Variants in NOS2 observed in about 807,000 individuals in gnomAD.
The protein encoded by NOS2 is nitric oxide synthase, inducible.
A neutral mutation model predicts 136.0 loss-of-function variants in NOS2; 96 were observed. The ratio of observed to expected loss-of-function variants is 0.71; its 90% confidence interval spans 0.60 to 0.84. NOS2 has a LOEUF of 0.84. NOS2 is among the 40% of genes least tolerant of loss of function. The pLI is 0.00. For synonymous variants in NOS2, 539 were observed against 587.5 expected, an observed-to-expected ratio of 0.92 and a Z score of 1.20; for missense variants, 1,237 against 1,496.9, an observed-to-expected ratio of 0.83 and a Z score of 2.87.
chr17:27,762,444 A>T (rs1908162769), intron 22 of NOS2, among the ~76,000 whole-genome samples: 1 of 152,220 alleles, frequency 6.6e-6, no homozygotes, highest in Non-Finnish European at 1.5e-5. Context: ...ATCTCATTAA[A>T]TTGTCCCAAG....
intron 11 of NOS2, among the ~76,000 whole-genome samples, chr17:27,774,975 T>C (rs1908615981): frequency 6.6e-6 from 1 of 152,218 alleles, no homozygotes; most frequent in Non-Finnish European, 1.5e-5. Flanking sequence ...CAGTCTGAAA[T>C]TACGGGCTGT....
chr17:27,781,670 T>C (rs1341454290), intron 7 of NOS2, among the ~76,000 whole-genome samples: 1 of 152,208 alleles, frequency 6.6e-6, no homozygotes, highest in Non-Finnish European at 1.5e-5. Flanking sequence ...TTTGACCTCG[T>C]TGGTTGGGAG....
Position 27,789,645 on chromosome 17 carries a change from G to A in NOS2, c.154C>T (p.Gln52Ter). 1 of 1,614,092 alleles carries A rather than the reference G, an allele frequency of 6.2e-7. No homozygotes were observed. The change falls in exon 3 of 27, where the codon CAG becomes TAG. Residue 52 changes from glutamine (Q) to a stop codon, truncating the protein, a stop_gained. Coordinates refer to ENST00000313735, the MANE Select transcript of NOS2 (RefSeq NM_000625.4). LOFTEE classifies it high-confidence loss of function. ...DDLQYHNLSK[Q>*]QNESPQPLVE... ...AGGGGCTGCGGGGACTCATTCTGCT[G>A]CTTGCTGAGGTTGTGATACTGAAGG...
At chr17:27,765,512 T>C in intron 20 of NOS2, 23 bp downstream of exon 20, 3 of 1,565,752 alleles carry the variant, frequency 1.9e-6, no homozygotes, top group Non-Finnish European at 2.6e-6. Context: ...CAGGCAGCAC[T>C]GGCTTTCTAG....
At chr17:27,771,757 C>T (rs1168534542) in intron 14 of NOS2, among the ~76,000 whole-genome samples, 1 of 150,648 alleles carries the variant, frequency 6.6e-6, no homozygotes, top group Non-Finnish European at 1.5e-5. Flanking sequence ...CTTTGCAGGG[C>T]GCTGGGAGGG....
At chr17:27,779,440 T>C (rs1373551937) in intron 9 of NOS2, among the ~76,000 whole-genome samples, 1 of 151,916 alleles carries the variant, frequency 6.6e-6, no homozygotes, top group Non-Finnish European at 1.5e-5. Context: ...CTACCTTGTC[T>C]GGCGCTGGGG....
In NOS2 at chr17:27,788,789, C is replaced by A. The variant is rs765958906; in HGVS notation, c.318+20G>T. On this transcript the variant is annotated intron_variant, in intron 4 of 26. Coordinates refer to ENST00000313735, the MANE Select transcript of NOS2 (RefSeq NM_000625.4). ...ACCAGCTTGGGACAAAGGTGGTTCT[C>A]CCTGAAGCCCCAGACTTACCCCTTT... 2.1e-5 allele frequency: 34 copies of A among 1,604,612 alleles called. No individual in the cohort carries two copies. Among genetic ancestry groups the A allele is most frequent in the Non-Finnish European group, 2.8e-5 (33 of 1,173,194 alleles).
chr17:27,785,957 C>CA (rs1170004221), intron 5 of NOS2, among the ~76,000 whole-genome samples: 3,535 of 39,660 alleles, frequency 0.089, 350 homozygotes, highest in African/African-American at 0.14. Context: ...GACCGAGTCT[C>CA]AAAAAAAAAA....
chr17:27,778,552 G>A, intron 11 of NOS2, 138 bp downstream of exon 11: 1 of 692,134 alleles, frequency 1.4e-6, no homozygotes, highest in Non-Finnish European at 2.6e-6. Flanking sequence ...GAACAGTCTT[G>A]GGAGGTGAGG....
intron 5 of NOS2, among the ~76,000 whole-genome samples, chr17:27,783,588 C>T (rs756501420): frequency 6.6e-6 from 1 of 152,160 alleles, no homozygotes; most frequent in Non-Finnish European, 1.5e-5. Flanking sequence ...CCAGTCCCTC[C>T]GTGGCAGCTC....
chr17:27,785,341 G>C (rs530447984), intron 5 of NOS2, among the ~76,000 whole-genome samples: 2 of 152,146 alleles, frequency 1.3e-5, no homozygotes, highest in East Asian at 1.9e-4. Flanking sequence ...ACCCCGAAAG[G>C]CTCATTAATT....
At position 27,763,013 on chromosome 17, in the gene NOS2, C is replaced by A; in HGVS notation, c.2593-8G>T. 1 of 1,585,394 alleles carries A rather than the reference C, an allele frequency of 6.3e-7. No homozygotes were observed. Among genetic ancestry groups the A allele is most frequent in the Non-Finnish European group, 8.6e-7 (1 of 1,165,570 alleles). On this transcript the variant is annotated splice_region_variant and splice_polypyrimidine_tract_variant and intron_variant, in intron 21 of 26. Transcript: ENST00000313735. ...CTTGCTGTACTCTGAGGGCTAAAAG[C>A]CAAGGGTGATGTCAGTGACTCAGGG... is the stretch of plus-strand genomic sequence containing the variant.
At chr17:27,789,569 G>A (rs1183288395) in intron 3 of NOS2, 35 bp downstream of exon 3, 1 of 1,510,206 alleles carries the variant, frequency 6.6e-7, no homozygotes, top group Non-Finnish European at 9.2e-7. Flanking sequence ...GGACCAGGGA[G>A]GAAGGGGCTT....
At chr17:27,782,286 T>C (rs1908874777) in intron 6 of NOS2, among the ~76,000 whole-genome samples, 180 bp from the exon 7 acceptor site, 1 of 152,092 alleles carries the variant, frequency 6.6e-6, no homozygotes, top group Non-Finnish European at 1.5e-5. Flanking sequence ...TGCAGAAGAA[T>C]TCAGCCTCCC....
chr17:27,785,014 C>G (rs141446962), intron 5 of NOS2, among the ~76,000 whole-genome samples: 411 of 152,304 alleles, frequency 2.7e-3, no homozygotes, highest in Non-Finnish European at 4.7e-3. Context: ...GCCTTCCACA[C>G]AACAGCAAGG....
chr17:27,759,102 A>T lies in NOS2; in HGVS notation c.3160-27T>A, dbSNP rs373057255. The T allele has an allele frequency of 2.6e-6, 4 of 1,524,164 alleles. No homozygotes were observed. The African/African-American group carries it at 5.5e-5, about 21-fold the overall frequency. The allele number at this position is 1,524,164 out of a possible 1,614,324, so 94.4% of individuals were successfully genotyped here. A position where few individuals can be genotyped will look rare whatever the true frequency, so the allele number is the denominator to read the frequency against. ...TGAAACCAGAGGAAACAGTGGGTTC[A>T]GTCCTCAGCTGCTCAGGACAAGGCT... On this transcript the variant is annotated intron_variant, in intron 25 of 26. Transcript: ENST00000313735.
intron 7 of NOS2, among the ~76,000 whole-genome samples, 171 bp from the exon 8 acceptor site, chr17:27,781,348 G>A (rs537310032): frequency 6.6e-6 from 1 of 152,152 alleles, no homozygotes; most frequent in Non-Finnish European, 1.5e-5. Flanking sequence ...TCAAGACCCA[G>A]GGTCCACCCC....
intron 5 of NOS2, among the ~76,000 whole-genome samples, chr17:27,784,794 G>T (rs1387264648): frequency 6.6e-6 from 1 of 152,186 alleles, no homozygotes; most frequent in African/African-American, 2.4e-5. Flanking sequence ...CTGCTCAGCT[G>T]GTCATGTCTT....
chr17:27,761,325 C>T, intron 22 of NOS2, 94 bp from the exon 23 acceptor site: 2 of 917,744 alleles, frequency 2.2e-6, no homozygotes, highest in South Asian at 3.2e-5. Context: ...TCCTTGGACG[C>T]CCCCACTCAG....
Sources: gnomAD v4.1 joint callset for allele counts (sites outside exome capture counted in the v4.1 genomes callset) on GRCh38, gnomAD v4.1.1 for gene constraint, MANE v1.5 for transcripts, NCBI Gene and HGNC (gene_info 2026-07-23, HGNC 2026-07-21) for gene names.